The following ADGRL4 variants were observed in gnomAD, a reference collection of about 807,000 sequenced individuals.
ADGRL4 encodes EGF, latrophilin and seven transmembrane domain containing 1.
In ADGRL4, 90 loss-of-function variants were observed where a neutral mutation model predicts 74.8. The ratio of observed to expected loss-of-function variants is 1.20; its 90% CI spans 1.02 to 1.43. The LOEUF (loss-of-function observed/expected upper bound fraction) is 1.43, where lower values mean the gene tolerates loss of function less well. Ranked by LOEUF, ADGRL4 falls within the 40% of genes most tolerant of loss-of-function variation. The pLI, the probability that ADGRL4 is intolerant of heterozygous loss-of-function variation, is 0.00. For missense variants in ADGRL4, 881 were observed against 814.3 expected, an observed-to-expected ratio of 1.08 and a Z score of -1.00; for synonymous variants, 311 against 279.2, an observed-to-expected ratio of 1.11 and a Z score of -1.14.
rs550517586 is a variant in ADGRL4, at chr1:78,978,871, T to A, written c.172+26199A>T. 1.3e-3 allele frequency among the ~76,000 whole-genome samples: 199 copies of A among 152,162 alleles called. 1 individual carries two copies. The highest frequency in any genetic ancestry group is 4.6e-3 in the African/African-American group (189 of 41,536). ...TAATGCCAAAGATCTTATCTTTTTT[T>A]TTCTTCTTTGTCCTAACATCCTATA... On this transcript the variant is annotated intron_variant, in intron 2 of 14. Transcript: ENST00000370742.
intron 10 of ADGRL4, among the ~76,000 whole-genome samples, chr1:78,918,283 T>G (rs539879819): frequency 6.6e-6 from 1 of 152,000 alleles, no homozygotes; most frequent in South Asian, 2.1e-4. Flanking sequence ...CTGTTACTGT[T>G]TTTGTCCAGA....
chr1:78,894,966 T>A (rs1169436892), intron 12 of ADGRL4, among the ~76,000 whole-genome samples: 2 of 152,008 alleles, frequency 1.3e-5, no homozygotes, highest in Non-Finnish European at 2.9e-5. Context: ...TCATTTTGGA[T>A]ATGCTCTTCT....
At chr1:78,957,503 C>T (rs762359757) in intron 2 of ADGRL4, among the ~76,000 whole-genome samples, 1 of 152,174 alleles carries the variant, frequency 6.6e-6, no homozygotes, top group Non-Finnish European at 1.5e-5. Context: ...TTTTAGTTGT[C>T]TGCATATAAG....
At chr1:78,978,706 A>T (rs1469947852) in intron 2 of ADGRL4, among the ~76,000 whole-genome samples, 1 of 151,922 alleles carries the variant, frequency 6.6e-6, no homozygotes, top group Non-Finnish European at 1.5e-5. Flanking sequence ...TGCTGTTTCA[A>T]TTCATCCTCA....
At chr1:78,916,304 G>A (rs763022355) in intron 12 of ADGRL4, among the ~76,000 whole-genome samples, 11 of 151,588 alleles carry the variant, frequency 7.3e-5, no homozygotes, top group Non-Finnish European at 1.0e-4. Context: ...ATTGCTCCAC[G>A]GACCTTTCAC....
Position 78,891,673 on chromosome 1 carries a change from G to A in ADGRL4, c.1861C>T (p.Leu621Phe). 6.2e-7 allele frequency: 1 copy of A among 1,612,246 alleles called. No homozygotes were observed. The highest frequency in any genetic ancestry group is 8.5e-7 in the Non-Finnish European group (1 of 1,179,278). The part of the protein sequence containing the change: ...ENIRSCARGA[L>F]ALLFLLGTTW... ...GTGCCGAGAAGGAACAGAAGAGCGAGGGCTCCTCTTGCACAAGACCTATCA... is the reference window on the plus strand; with the variant it reads ...GTGCCGAGAAGGAACAGAAGAGCGAAGGCTCCTCTTGCACAAGACCTATCA... The change falls in exon 14 of 15, where the codon CTC becomes TTC. Residue 621 changes from leucine (L) to phenylalanine (F), a missense_variant. By Grantham distance (22) the Leu-to-Phe change is conservative. Coordinates refer to ENST00000370742, the MANE Select transcript of ADGRL4 (RefSeq NM_022159.4).
At chr1:78,977,620 AAG>A (rs1423226529) in intron 2 of ADGRL4, among the ~76,000 whole-genome samples, 1 of 151,890 alleles carries the variant, frequency 6.6e-6, no homozygotes, top group African/African-American at 2.4e-5. Flanking sequence ...AGGAGAGAAA[AAG>A]AGACCAATGA....
At chr1:79,006,585 G>C in intron 1 of ADGRL4, 48 bp downstream of exon 1, 4 of 1,532,840 alleles carry the variant, frequency 2.6e-6, no homozygotes, top group Non-Finnish European at 3.5e-6. Flanking sequence ...CCCTACAAGG[G>C]ATTGGTCCCT....
At chr1:78,923,341 A>G (rs1476623128) in intron 8 of ADGRL4, among the ~76,000 whole-genome samples, 1 of 152,056 alleles carries the variant, frequency 6.6e-6, no homozygotes, top group Non-Finnish European at 1.5e-5. Flanking sequence ...GTAGATAGGA[A>G]AGGAAAAACA....
intron 12 of ADGRL4, among the ~76,000 whole-genome samples, chr1:78,916,454 G>C (rs1648874894): frequency 6.6e-6 from 1 of 151,736 alleles, no homozygotes; most frequent in Non-Finnish European, 1.5e-5. Flanking sequence ...TTCTTATGTG[G>C]GTTGGAAATT....
chr1:78,989,671 A>T (rs754016248), intron 2 of ADGRL4, among the ~76,000 whole-genome samples: 3 of 151,824 alleles, frequency 2.0e-5, no homozygotes, highest in Admixed American at 6.6e-5. Context: ...CTTGCAGCCT[A>T]GATGATCTTA....
In ADGRL4 at chr1:78,891,480, T is replaced by C. The variant is rs914427081; in HGVS notation, c.2010+44A>G. ...TTTTCTATCAATTTGGCAACTGATG[T>C]TACATGAATATACTAGGAACCACCA... On this transcript the variant is annotated intron_variant, in intron 14 of 14. Coordinates refer to ENST00000370742, the MANE Select transcript of ADGRL4 (RefSeq NM_022159.4). The C allele has an allele frequency of 6.4e-6, 10 of 1,565,348 alleles. No homozygotes were observed. The African/African-American group carries it at 1.4e-4, about 21-fold the overall frequency.
In ADGRL4 at chr1:78,938,143, T is replaced by C; in HGVS notation, c.533A>G (p.Asn178Ser). Residue 178 changes from asparagine (N) to serine (S), a missense_variant, in exon 5 of 15, where the codon AAC becomes AGC. By Grantham distance (46) the Asn-to-Ser change is conservative. Coordinates refer to ENST00000370742, the MANE Select transcript of ADGRL4 (RefSeq NM_022159.4). ...AAGGGTGTCCTTGGCTGAGATAGTG[T>C]TGTTCTTGTAACCTAGTAATGAAGA... The part of the protein sequence containing the change: ...ESSSLLGYKN[N>S]TISAKDTLSN... 6.2e-7 allele frequency: 1 copy of C among 1,613,280 alleles called. No homozygotes were observed. Among genetic ancestry groups the C allele is most frequent in the Non-Finnish European group, 8.5e-7 (1 of 1,179,686 alleles).
chr1:78,916,535 ATTG>A (rs1648876357), intron 12 of ADGRL4, among the ~76,000 whole-genome samples: 1 of 151,888 alleles, frequency 6.6e-6, no homozygotes, highest in African/African-American at 2.4e-5. Context: ...TTTATAAAAT[ATTG>A]TTTGATTTAT....
At chr1:78,901,823 C>T (rs1262617567) in intron 12 of ADGRL4, among the ~76,000 whole-genome samples, 1 of 152,144 alleles carries the variant, frequency 6.6e-6, no homozygotes, top group African/African-American at 2.4e-5. Context: ...ATGTTCAGCA[C>T]TCACTAGGGT....
intron 2 of ADGRL4, among the ~76,000 whole-genome samples, chr1:78,962,702 T>C (rs1649979913): frequency 6.6e-6 from 1 of 152,236 alleles, no homozygotes; most frequent in South Asian, 2.1e-4. Context: ...AAATAGTTTT[T>C]ATTTGCTTAG....
intron 2 of ADGRL4, among the ~76,000 whole-genome samples, chr1:78,950,329 A>C (rs2100698736): frequency 6.6e-6 from 1 of 152,256 alleles, no homozygotes; most frequent in Non-Finnish European, 1.5e-5. Flanking sequence ...GACACTGGGC[A>C]GGAGGGTAAC....
intron 4 of ADGRL4, among the ~76,000 whole-genome samples, chr1:78,938,810 C>T (rs1487068374): frequency 1.3e-5 from 2 of 152,024 alleles, no homozygotes; most frequent in Non-Finnish European, 2.9e-5. Flanking sequence ...TTTATTTGCT[C>T]TTTGAATGTT....
intron 8 of ADGRL4, among the ~76,000 whole-genome samples, chr1:78,923,151 G>A (rs764885659): frequency 5.3e-5 from 8 of 151,868 alleles, no homozygotes; most frequent in African/African-American, 1.7e-4. Context: ...AAGAGCCTGG[G>A]AAGGGCCTAA....
Sources: gnomAD v4.1 joint callset for allele counts (sites outside exome capture counted in the v4.1 genomes callset) on GRCh38, gnomAD v4.1.1 for gene constraint, MANE v1.5 for transcripts, NCBI Gene and HGNC (gene_info 2026-07-23, HGNC 2026-07-21) for gene names.